Variants in RALGPS1 observed in about 807,000 individuals in gnomAD.
RALGPS1 encodes the protein Ral GEF with PH domain and SH3 binding motif 1, also known as ras-specific guanine nucleotide-releasing factor RalGPS1.
A neutral mutation model predicts 78.8 loss-of-function variants in RALGPS1; 19 were observed. The observed-to-expected ratio is 0.24, with a 90% CI of 0.17 to 0.35. The LOEUF (loss-of-function observed/expected upper bound fraction) is 0.35, where lower values mean the gene tolerates loss of function less well. RALGPS1 is among the 10% of genes least tolerant of loss of function. The probability of loss-of-function intolerance (pLI) is 1.00; values close to 1 mark genes in which losing one functional copy is unlikely to be tolerated. For synonymous variants in RALGPS1, 228 were observed against 256.3 expected (o/e 0.89, Z 1.06); for missense variants, 454 against 688.3 (o/e 0.66, Z 3.81).
chr9:127,084,552 G>A (rs1429326793), intron 8 of RALGPS1, among the ~76,000 whole-genome samples: 3 of 152,220 alleles, frequency 2.0e-5, no homozygotes, highest in Non-Finnish European at 2.9e-5. Flanking sequence ...CTGGGCCTGA[G>A]TCAGACAGGA....
At chr9:127,018,309 T>TA (rs61463787) in intron 4 of RALGPS1, among the ~76,000 whole-genome samples, 127 of 145,496 alleles carry the variant, frequency 8.7e-4, no homozygotes, top group Admixed American at 2.8e-3. Flanking sequence ...ATAGTTAACT[T>TA]AAAAAAAAAA....
intron 11 of RALGPS1, among the ~76,000 whole-genome samples, chr9:127,188,085 G>A (rs533906451): frequency 2.1e-4 from 27 of 128,514 alleles, no homozygotes; most frequent in African/African-American, 8.2e-4. Flanking sequence ...TTTTTTAGAC[G>A]GAGTCTCACT....
At chr9:127,208,863 A>C (rs531555868) in intron 14 of RALGPS1, among the ~76,000 whole-genome samples, 1 of 152,358 alleles carries the variant, frequency 6.6e-6, no homozygotes, top group East Asian at 1.9e-4. Flanking sequence ...AAGGGAGAGA[A>C]TGATGGGAAG....
At chr9:127,196,397 C>T in intron 12 of RALGPS1, 77 bp from the exon 13 acceptor site, 1 of 1,517,868 alleles carries the variant, frequency 6.6e-7, no homozygotes, top group Non-Finnish European at 8.9e-7. Context: ...ACCATCTGCT[C>T]CGGCCCCAGG....
At chr9:127,080,885 T>A (rs1254877634) in intron 8 of RALGPS1, among the ~76,000 whole-genome samples, 2 of 152,254 alleles carry the variant, frequency 1.3e-5, no homozygotes, top group Non-Finnish European at 2.9e-5. Context: ...GTAAGTATAA[T>A]GCAGATATTC....
chr9:127,142,215 G>A lies in RALGPS1; in HGVS notation c.611-23854G>A, dbSNP rs185040450. On this transcript the variant is annotated intron_variant, in intron 8 of 18. Transcript: ENST00000259351. ...CCTCTAAGAGGGCATTAGGGGATCC[G>A]TCCTTACAGACCAGCCTCATATTGC... 9.8e-5 allele frequency among the ~76,000 whole-genome samples: 15 copies of A among 152,322 alleles called. No homozygotes were observed. In the East Asian group the frequency reaches 2.5e-3, roughly 25 times the overall value.
intron 8 of RALGPS1, chr9:127,108,473 G>C (rs773761337): frequency 6.2e-7 from 1 of 1,612,298 alleles, no homozygotes; most frequent in South Asian, 1.1e-5. Context: ...TCTAGCTCCT[G>C]CTTATGCACT....
chr9:127,151,600 G>A lies in RALGPS1; in HGVS notation c.611-14469G>A, dbSNP rs1015806916. ...AAAGAGGGTCAGGGGTCACTTTTAT[G>A]GTTTTTTTATTTTTTTATTTTTTGC... On this transcript the variant is annotated intron_variant, in intron 8 of 18. Coordinates refer to ENST00000259351, the MANE Select transcript of RALGPS1 (RefSeq NM_014636.3). Among the ~76,000 whole-genome samples the A allele has an allele frequency of 3.9e-5, 6 of 152,000 alleles. No individual in the cohort carries two copies. In the East Asian group the frequency reaches 1.2e-3, roughly 29 times the overall value.
chr9:127,095,269 G>A (rs187386175), intron 8 of RALGPS1, among the ~76,000 whole-genome samples: 36 of 152,222 alleles, frequency 2.4e-4, no homozygotes, highest in East Asian at 3.9e-4. Flanking sequence ...GTGGTGGCAC[G>A]CACCTGTGAT....
intron 6 of RALGPS1, among the ~76,000 whole-genome samples, chr9:127,051,746 A>G (rs2048318883): frequency 6.6e-6 from 1 of 152,220 alleles, no homozygotes; most frequent in African/African-American, 2.4e-5. Flanking sequence ...TGGGCACTGT[A>G]CTGGGTACCA....
chr9:127,195,000 C>A, intron 11 of RALGPS1, 91 bp from the exon 12 acceptor site: 2 of 1,504,744 alleles, frequency 1.3e-6, no homozygotes, highest in Non-Finnish European at 9.1e-7. Flanking sequence ...ACTTCAAACC[C>A]GGGGCCCACC....
At chr9:127,213,173 G>C in intron 17 of RALGPS1, 124 bp downstream of exon 17, 1 of 1,483,032 alleles carries the variant, frequency 6.7e-7, no homozygotes. Context: ...TTTAGATTCT[G>C]ACGTTCATGG....
At position 127,005,686 on chromosome 9, in the gene RALGPS1, C is replaced by CT. The variant is rs144273972; in HGVS notation, c.216+27949dup. Among the ~76,000 whole-genome samples the CT allele has an allele frequency of 5.8e-3, 876 of 152,100 alleles. 28 individuals carry two copies. The East Asian group carries it at 0.081, about 14-fold the overall frequency. On this transcript the variant is annotated intron_variant, in intron 4 of 18. Transcript: ENST00000259351. ...GACTGAACTTCAGACTGAAGTTCTA[C>CT]TTTTTTTTCTTTGAAAGGAAAGGAA...
At chr9:126,941,473 A>C (rs941230821) in intron 1 of RALGPS1, among the ~76,000 whole-genome samples, 1 of 151,938 alleles carries the variant, frequency 6.6e-6, no homozygotes, top group African/African-American at 2.4e-5. Flanking sequence ...AAATAAGTGT[A>C]AAAAAAAGAG....
rs756481918 is a variant in RALGPS1, at chr9:127,188,832, T to TTAAAAAAAAAAAAA, written c.911-6259_911-6258insTAAAAAAAAAAAAA. 5.4e-3 allele frequency among the ~76,000 whole-genome samples: 468 copies of TTAAAAAAAAAAAAA among 87,362 alleles called. 79 individuals carry two copies. Among genetic ancestry groups the TTAAAAAAAAAAAAA allele is most frequent in the East Asian group, 0.034 (82 of 2,426 alleles). 57.3% of individuals were successfully genotyped at this position (87,362 alleles called of 152,430 possible). A position where few individuals can be genotyped will look rare whatever the true frequency, so the allele number is the denominator to read the frequency against. Reference sequence around the variant, plus strand: ...AAAGACTAAGAAACCCCATCTCTACTAAAAAAAAAAAAAAAAATGTAGCCA... The same window carrying TTAAAAAAAAAAAAA: ...AAAGACTAAGAAACCCCATCTCTACTTAAAAAAAAAAAAAAAAAAAAAAAAAAAAAATGTAGCCA... On this transcript the variant is annotated intron_variant, in intron 11 of 18. Transcript: ENST00000259351.
intron 3 of RALGPS1, 36 bp from the exon 4 acceptor site, chr9:126,977,659 A>G (rs1198063635): frequency 7.1e-7 from 1 of 1,406,138 alleles, no homozygotes; most frequent in Admixed American, 1.8e-5. Context: ...TCTTTGATGT[A>G]CAGTATTTTC....
chr9:127,197,170 A>G (rs1215705484), intron 13 of RALGPS1, among the ~76,000 whole-genome samples: 2 of 152,224 alleles, frequency 1.3e-5, no homozygotes, highest in African/African-American at 4.8e-5. Context: ...GCTTATGGCA[A>G]CAGAAGAGAC....
intron 4 of RALGPS1, among the ~76,000 whole-genome samples, chr9:127,012,069 C>T (rs988187440): frequency 1.3e-5 from 2 of 152,130 alleles, no homozygotes; most frequent in South Asian, 2.1e-4. Context: ...CCTGAAACCC[C>T]GACTCTCTTG....
chr9:127,147,049 T>G (rs2058135039), intron 8 of RALGPS1, among the ~76,000 whole-genome samples: 1 of 152,200 alleles, frequency 6.6e-6, no homozygotes. Context: ...GTTGATTTTT[T>G]TAACTTTTTA....
Sources: gnomAD v4.1 joint callset for allele counts (sites outside exome capture counted in the v4.1 genomes callset) on GRCh38, gnomAD v4.1.1 for gene constraint, MANE v1.5 for transcripts, NCBI Gene and HGNC (gene_info 2026-07-23, HGNC 2026-07-21) for gene names.